Variants in KDM6B observed in about 807,000 individuals in gnomAD.
KDM6B encodes lysine demethylase 6B.
In KDM6B, 22 loss-of-function variants were observed where a neutral mutation model predicts 150.4. The observed-to-expected ratio is 0.15, with a 90% CI of 0.10 to 0.21. KDM6B has a LOEUF of 0.21. Among genes scored for constraint, KDM6B ranks in the 10% least tolerant of loss-of-function variants. The probability of loss-of-function intolerance (pLI) is 1.00; values close to 1 mark genes in which losing one functional copy is unlikely to be tolerated. For synonymous variants in KDM6B, 1,148 were observed against 921.1 expected (o/e 1.25, Z -4.46); for missense variants, 1,984 against 2,234.3 (o/e 0.89, Z 2.26).
chr17:7,849,134 C>G lies in KDM6B; in HGVS notation c.2846C>G (p.Thr949Ser), dbSNP rs1567797905. 1 of 1,612,292 alleles carries G rather than the reference C, an allele frequency of 6.2e-7. No homozygotes were observed. The highest frequency in any genetic ancestry group is 8.5e-7 in the Non-Finnish European group (1 of 1,179,802). Residue 949 changes from threonine (T) to serine (S), a missense_variant, in exon 12 of 24, where the codon ACT (threonine) becomes AGT (serine). Physicochemically the swap from Thr to Ser is moderately conservative, Grantham distance 58 (BLOSUM62 1). Coordinates refer to ENST00000448097, the MANE Select transcript of KDM6B (RefSeq NM_001348716.2). ...ACAGCAGAGCCAGCGGACAGTGGGA[C>G]TGAGCGACTGCTGCCCCCCGCACAG... ...VDTAEPADSGTERLLPPAQAK... is the reference protein window; with the variant it reads ...VDTAEPADSGSERLLPPAQAK...
chr17:7,846,372 C>CGGGG, intron 7 of KDM6B, 28 bp from the exon 8 acceptor site: 1 of 510,158 alleles, frequency 2.0e-6, no homozygotes, highest in Non-Finnish European at 3.8e-6. Flanking sequence ...CTGACATCTG[C>CGGGG]CCCTGCCCCG....
Position 7,843,562 on chromosome 17 carries a change from G to A in KDM6B, c.-268-1339G>A, listed in dbSNP as rs1460090033. Among the ~76,000 whole-genome samples, 1 of 152,198 alleles carries A rather than the reference G, an allele frequency of 6.6e-6. No homozygotes were observed. Among genetic ancestry groups the A allele is most frequent in the Non-Finnish European group, 1.5e-5 (1 of 68,042 alleles). On this transcript the variant is annotated intron_variant, in intron 2 of 23. Transcript: ENST00000448097. This position sits in a 1 kb window ranked among gnomAD's most constrained non-coding sequence, Gnocchi z 4.5. The stretch of plus-strand genomic sequence containing the variant: ...AAACCCGTCTGCCCTTGTGGGCTGG[G>A]TGGAAATTTCCCCACAGCGCAGACT...
Position 7,849,290 on chromosome 17 carries a change from G to T in KDM6B, c.3002G>T (p.Gly1001Val), listed in dbSNP as rs2078640740. Residue 1001 changes from glycine (G) to valine (V), a missense_variant, in exon 12 of 24, where the codon GGC (glycine) becomes GTC (valine). This residue lies in a region of KDM6B where 1,379 missense variants were observed against 1,275.6 expected (regional missense o/e 1.08). Transcript: ENST00000448097. ...AGTGTGGGTCGTCGGCCCCGTGAGGGCAGGGCAAAGGCCAAGGCCAAGGTC... is the reference window on the plus strand; with the variant it reads ...AGTGTGGGTCGTCGGCCCCGTGAGGTCAGGGCAAAGGCCAAGGCCAAGGTC... ...KDSVGRRPRE[G>V]RAKAKAKVPK... The T allele has an allele frequency of 3.2e-6, 5 of 1,556,274 alleles. No homozygotes were observed. Among genetic ancestry groups the T allele is most frequent in the Non-Finnish European group, 4.3e-6 (5 of 1,149,832 alleles).
chr17:7,838,658 CT>C (rs2078370118), intron 1 of KDM6B, among the ~76,000 whole-genome samples: 2 of 140,548 alleles, frequency 1.4e-5, no homozygotes, highest in South Asian at 4.9e-4. Flanking sequence ...GTCCTAAAGT[CT>C]GCCCACTCTG....
chr17:7,840,839 A>G (rs1170310484), intron 2 of KDM6B, among the ~76,000 whole-genome samples: 2 of 152,180 alleles, frequency 1.3e-5, no homozygotes, highest in African/African-American at 4.8e-5. Flanking sequence ...TGAAGAACCT[A>G]TGACTTCTGA....
Position 7,854,420 on chromosome 17 carries a change from TAAAATA to T in KDM6B, c.*904_*909del, listed in dbSNP as rs1027858687. The T allele has an allele frequency of 6.6e-6, 1 of 151,960 alleles. No homozygotes were observed. The highest frequency in any genetic ancestry group is 1.5e-5 in the Non-Finnish European group (1 of 67,952). The allele number at this position is 151,960 out of a possible 1,614,324, so 9.4% of individuals were successfully genotyped here. A position where few individuals can be genotyped will look rare whatever the true frequency, so the allele number is the denominator to read the frequency against. Reference sequence around the variant, plus strand: ...AATGGTATTTTGTAAAAAAAATAAATAAAATAAAAAAATTAAAGGTTTTAAAGAAAG... The same window carrying T: ...AATGGTATTTTGTAAAAAAAATAAATAAAAAATTAAAGGTTTTAAAGAAAG... On this transcript the variant is annotated 3_prime_UTR_variant, in exon 24 of 24. Coordinates refer to ENST00000448097, the MANE Select transcript of KDM6B (RefSeq NM_001348716.2).
At position 7,853,559 on chromosome 17, in the gene KDM6B, C is replaced by T. The variant is rs1253848655; in HGVS notation, c.*38C>T. On this transcript the variant is annotated 3_prime_UTR_variant, in exon 24 of 24. Coordinates refer to ENST00000448097, the MANE Select transcript of KDM6B (RefSeq NM_001348716.2). ...CGCCCGCCTGCCTGCCCGCGCAAGG[C>T]GCCGCGGGGCCACCAGCACATGCCT... is the stretch of plus-strand genomic sequence containing the variant. 6.5e-6 allele frequency: 9 copies of T among 1,384,686 alleles called. No homozygotes were observed. In the African/African-American group the frequency reaches 1.1e-4, roughly 17 times the overall value. 85.8% of individuals were successfully genotyped at this position (1,384,686 alleles called of 1,614,324 possible).
chr17:7,849,025 G>A lies in KDM6B; in HGVS notation c.2737G>A (p.Val913Met). 1 of 1,609,310 alleles carries A rather than the reference G, an allele frequency of 6.2e-7. No homozygotes were observed. Among genetic ancestry groups the A allele is most frequent in the African/African-American group, 1.3e-5 (1 of 74,972 alleles). ...SLPPARSESE[V>M]LEEISRACET... ...GCCCCCTGCTCGCTCTGAGTCTGAG[G>A]TGCTAGAAGAGATCAGCCGGGCTTG... is the stretch of plus-strand genomic sequence containing the variant. The change falls in exon 12 of 24, where the codon GTG becomes ATG. Residue 913 changes from valine (V) to methionine (M), a missense_variant. Val to Met is a conservative substitution (Grantham distance 21, BLOSUM62 1). Transcript: ENST00000448097.
Position 7,845,403 on chromosome 17 carries a change from TG to T in KDM6B, c.-55del. On this transcript the variant is annotated 5_prime_UTR_variant, in exon 4 of 24. Coordinates refer to ENST00000448097, the MANE Select transcript of KDM6B (RefSeq NM_001348716.2). The stretch of plus-strand genomic sequence containing the variant: ...GAGCCGGACCATCGTCCCAGAGAGC[TG>T]GGGCAGGGGGCCGTGCCCAATCTCC... The T allele has an allele frequency of 1.1e-6, 1 of 948,278 alleles. No individual in the cohort carries two copies. The highest frequency in any genetic ancestry group is 1.7e-6 in the Non-Finnish European group (1 of 583,240). 58.7% of individuals were successfully genotyped at this position (948,278 alleles called of 1,614,324 possible).
chr17:7,845,513 C>T (rs1354174692), intron 4 of KDM6B, 37 bp from the exon 5 acceptor site: 7 of 1,613,486 alleles, frequency 4.3e-6, no homozygotes, highest in East Asian at 2.2e-5. Flanking sequence ...TCTGGTTTTG[C>T]CTCCAGTAAG....
At position 7,848,994 on chromosome 17, in the gene KDM6B, A is replaced by G. The variant is rs369133272; in HGVS notation, c.2706A>G (p.Leu902=). 4.2e-5 allele frequency: 65 copies of G among 1,544,498 alleles called. No individual in the cohort carries two copies. The highest frequency in any genetic ancestry group is 4.1e-4 in the African/African-American group (29 of 70,108). Residue 902 remains leucine, a synonymous_variant, in exon 12 of 24, where the codon CTA becomes CTG. Transcript: ENST00000448097. ...PMTPTQPPPP[L]SLPPARSESE... ...CCCCCACCCAACCGCCCCCACCCCT[A>G]TCTCTGCCCCCTGCTCGCTCTGAGT...
At chr17:7,841,958 A>T (rs976173710) in intron 2 of KDM6B, among the ~76,000 whole-genome samples, 1 of 152,134 alleles carries the variant, frequency 6.6e-6, no homozygotes, top group African/African-American at 2.4e-5. Flanking sequence ...CGTGATGAGG[A>T]CGGGCAGGGA....
Position 7,836,050 on chromosome 17 carries a change from T to C in KDM6B, c.-388+1700T>C, listed in dbSNP as rs182126791. Among the ~76,000 whole-genome samples the C allele has an allele frequency of 9.1e-4, 138 of 152,306 alleles. 6 individuals are homozygous for C. The East Asian group carries it at 0.025, about 28-fold the overall frequency. On this transcript the variant is annotated intron_variant, in intron 1 of 23. Transcript: ENST00000448097. ...CTGCTCGGCCGCTGCCTTCCCGGGC[T>C]CTGGCTTAAGTTGCTTTCCCAAGAG... is the stretch of plus-strand genomic sequence containing the variant.
At chr17:7,850,932 C>A in intron 14 of KDM6B, 89 bp from the exon 15 acceptor site, 2 of 1,186,774 alleles carry the variant, frequency 1.7e-6, no homozygotes, top group Non-Finnish European at 2.4e-6. Context: ...CTGTCAGAGC[C>A]AGAGGAGTAG....
intron 1 of KDM6B, among the ~76,000 whole-genome samples, chr17:7,836,960 C>T (rs918202633): frequency 1.3e-5 from 2 of 152,162 alleles, no homozygotes; most frequent in African/African-American, 4.8e-5. Context: ...CAGTTCCAGT[C>T]CCGTGCCATC....
At position 7,846,695 on chromosome 17, in the gene KDM6B, C is replaced by T. The variant is rs1265500507; in HGVS notation, c.666C>T (p.Gly222=). The change falls in exon 9 of 24, where the codon GGC becomes GGT. Residue 222 remains glycine, a synonymous_variant. Transcript: ENST00000448097. The part of the protein sequence containing the change: ...AALSGPSGEE[G]LSPGGKRRRG... Reference sequence around the variant, plus strand: ...TCTCAGGCCCCTCAGGGGAGGAGGGCCTCAGCCCTGGAGGCAAGCGAAGGA... The same window carrying T: ...TCTCAGGCCCCTCAGGGGAGGAGGGTCTCAGCCCTGGAGGCAAGCGAAGGA... 13 of 1,614,138 alleles carry T rather than the reference C, an allele frequency of 8.1e-6. No homozygotes were observed. The highest frequency in any genetic ancestry group is 1.0e-5 in the Non-Finnish European group (12 of 1,179,984).
chr17:7,851,559 G>T lies in KDM6B; in HGVS notation c.4016+10G>T, dbSNP rs753206730. ...TGTCTGATGCTAAGCGGTCAGTGGG[G>T]CTGAGGCCAGGGAAGTTGGGGCAGG... On this transcript the variant is annotated intron_variant, in intron 17 of 23. Coordinates refer to ENST00000448097, the MANE Select transcript of KDM6B (RefSeq NM_001348716.2). 6.2e-7 allele frequency: 1 copy of T among 1,613,598 alleles called. No homozygotes were observed. The highest frequency in any genetic ancestry group is 8.5e-7 in the Non-Finnish European group (1 of 1,179,836).
intron 2 of KDM6B, among the ~76,000 whole-genome samples, chr17:7,841,944 C>G (rs2078423082): frequency 6.6e-6 from 1 of 152,212 alleles, no homozygotes; most frequent in Admixed American, 6.5e-5. Flanking sequence ...TCGCTTCCAC[C>G]AGGCGTGATG....
chr17:7,848,141 C>T lies in KDM6B; in HGVS notation c.1853C>T (p.Thr618Ile). Residue 618 changes from threonine (T) to isoleucine (I), a missense_variant, in exon 12 of 24, where the codon ACC (threonine) becomes ATC (isoleucine). By Grantham distance (89) the Thr-to-Ile change is moderately conservative. This residue lies in a region of KDM6B where 1,379 missense variants were observed against 1,275.6 expected (regional missense o/e 1.08). Coordinates refer to ENST00000448097, the MANE Select transcript of KDM6B (RefSeq NM_001348716.2). ...PAPPSSCHQN[T>I]SGSFRRPESP... Reference sequence around the variant, plus strand: ...CCTCCTTCCTCCTGCCACCAAAATACCTCAGGAAGCTTCAGGCGCCCGGAG... The same window carrying T: ...CCTCCTTCCTCCTGCCACCAAAATATCTCAGGAAGCTTCAGGCGCCCGGAG... 2 of 1,612,974 alleles carry T rather than the reference C, an allele frequency of 1.2e-6. No homozygotes were observed. Among genetic ancestry groups the T allele is most frequent in the Non-Finnish European group, 1.7e-6 (2 of 1,179,956 alleles).
Sources: gnomAD v4.1 joint callset for allele counts (sites outside exome capture counted in the v4.1 genomes callset) on GRCh38, gnomAD v4.1.1 for gene constraint, gnomAD v4.1.1 regional missense constraint, Gnocchi (gnomAD v3.1) non-coding constraint, MANE v1.5 for transcripts, NCBI Gene and HGNC (gene_info 2026-07-23, HGNC 2026-07-21) for gene names.